Variants in PKD1 observed in about 807,000 individuals in gnomAD.
The protein encoded by PKD1 is polycystin-1.
A neutral mutation model predicts 361.7 loss-of-function variants in PKD1; 81 were observed. That is an observed-to-expected ratio of 0.22 (90% CI 0.19 to 0.27). The LOEUF is 0.27. Ranked by LOEUF, PKD1 falls within the 10% of genes least tolerant of loss-of-function variation. The pLI, the probability that PKD1 is intolerant of heterozygous loss-of-function variation, is 1.00. For missense variants in PKD1, 6,399 were observed against 6,118.3 expected (o/e 1.05, Z -1.53); for synonymous variants, 3,615 against 2,818.3 (o/e 1.28, Z -8.95).
intron 21 of PKD1, 87 bp from the exon 22 acceptor site, chr16:2,104,729 C>T (rs2151762419): frequency 1.3e-6 from 1 of 766,856 alleles, no homozygotes; most frequent in Admixed American, 2.1e-5. Context: ...CACCTGGCTC[C>T]CACCCCCAGC....
rs760338872 is a variant in PKD1 at position 2,090,570 on chromosome 16, G to A, written c.12159C>T (p.Asp4053=). 2.0e-5 allele frequency: 32 copies of A among 1,608,952 alleles called. No individual in the cohort carries two copies. Among genetic ancestry groups the A allele is most frequent in the African/African-American group, 5.3e-5 (4 of 74,912 alleles). The change falls in exon 45 of 46, where the codon GAC becomes GAT. Residue 4053 remains aspartate (D), a synonymous_variant. Transcript: ENST00000262304. ...GGGCCTGGGCCACGCTCCAGAGGGAGTCCACACAGGAAGACACGAGCTGCG... is the reference window on the plus strand; with the variant it reads ...GGGCCTGGGCCACGCTCCAGAGGGAATCCACACAGGAAGACACGAGCTGCG... ...LAILLVSSCV[D]SLWSVAQALL...
At chr16:2,098,756 G>A (rs1317025847) in intron 30 of PKD1, 2 of 144,662 alleles carry the variant, frequency 1.4e-5, no homozygotes, top group South Asian at 2.2e-4. Context: ...GTGAAGGATT[G>A]GTGTTAATTC....
At position 2,097,395 on chromosome 16, in the gene PKD1, G is replaced by A. The variant is rs746776878; in HGVS notation, c.10329C>T (p.Gly3443=). 1.7e-5 allele frequency: 28 copies of A among 1,610,374 alleles called. No individual in the cohort carries two copies. Among genetic ancestry groups the A allele is most frequent in the Non-Finnish European group, 2.3e-5 (27 of 1,179,814 alleles). Reference sequence around the variant, plus strand: ...CGTCCTCCTCTGGGCCCAGCCCATGGCCCGCCTGGCCCCGTGCCAGCTGCC... The same window carrying A: ...CGTCCTCCTCTGGGCCCAGCCCATGACCCGCCTGGCCCCGTGCCAGCTGCC... ...NLRQLARGQA[G]HGLGPEEDGF... The change falls in exon 33 of 46, where the codon GGC becomes GGT. Residue 3443 remains glycine, a synonymous_variant. Transcript: ENST00000262304.
chr16:2,131,937 T>C (rs1202631164), intron 1 of PKD1: 1 of 152,014 alleles, frequency 6.6e-6, no homozygotes, highest in Non-Finnish European at 1.5e-5. Flanking sequence ...ACTGCTTTGC[T>C]TGACCAGCCT....
At position 2,100,340 on chromosome 16, in the gene PKD1, G is replaced by A. The variant is rs751947219; in HGVS notation, c.9569-31C>T. The stretch of plus-strand genomic sequence containing the variant: ...GAGGCGCAGGAGGGAGGTCAGGCTC[G>A]CAGGGCGCCCCAATGCGGGGGCAGA... On this transcript the variant is annotated intron_variant, in intron 27 of 45. Transcript: ENST00000262304. The surrounding 1 kb of genome is among the most constrained non-coding windows in gnomAD (Gnocchi z 4.4). 1.6e-5 allele frequency: 25 copies of A among 1,610,348 alleles called. No individual in the cohort carries two copies. In the African/African-American group the frequency reaches 1.7e-4, roughly 11 times the overall value.
rs771201076 is a variant in PKD1, at chr16:2,118,044, G to A, written c.948C>T (p.Ala316=). The A allele has an allele frequency of 5.1e-5, 82 of 1,603,158 alleles. No homozygotes were observed. Among genetic ancestry groups the A allele is most frequent in the South Asian group, 1.3e-4 (12 of 90,898 alleles). The part of the protein sequence containing the change: ...DFGDGSAEVD[A]AGPAASHRYV... Reference sequence around the variant, plus strand: ...AGCGATGCGAGGCAGCCGGCCCAGCGGCATCCACCTCGGCGGAGCCGTCTC... The same window carrying A: ...AGCGATGCGAGGCAGCCGGCCCAGCAGCATCCACCTCGGCGGAGCCGTCTC... Residue 316 remains alanine, a synonymous_variant, in exon 5 of 46, where the codon GCC becomes GCT. Coordinates refer to ENST00000262304, the MANE Select transcript of PKD1 (RefSeq NM_001009944.3). The surrounding 1 kb of genome is among the most constrained non-coding windows in gnomAD (Gnocchi z 6.0).
intron 6 of PKD1, among the ~76,000 whole-genome samples, chr16:2,117,285 G>C (rs1209348034): frequency 6.6e-6 from 1 of 152,320 alleles, no homozygotes; most frequent in Admixed American, 6.5e-5. Flanking sequence ...GCGTGCCCAG[G>C]AGTGTCCGGA....
Position 2,091,441 on chromosome 16 carries a change from C to A in PKD1, c.11694G>T (p.Ser3898=). 1 of 1,193,646 alleles carries A rather than the reference C, an allele frequency of 8.4e-7. No homozygotes were observed. The allele number at this position is 1,193,646 out of a possible 1,614,324, so 73.9% of individuals were successfully genotyped here. A position where few individuals can be genotyped will look rare whatever the true frequency, so the allele number is the denominator to read the frequency against. The change falls in exon 42 of 46, where the codon TCG becomes TCT. Residue 3898 remains serine (S), a synonymous_variant. Coordinates refer to ENST00000262304, the MANE Select transcript of PKD1 (RefSeq NM_001009944.3). ...FALRRLSAGL[S]LPLLTSVCLL... is the part of the protein sequence containing the mutation. ...GGCGTACCGAGGTGAGCAGAGGCAG[C>A]GAGAGGCCCGCGCTGAGGCGGCGCA...
intron 1 of PKD1, among the ~76,000 whole-genome samples, chr16:2,130,122 G>A (rs1377629672): frequency 2.0e-5 from 3 of 152,184 alleles, no homozygotes; most frequent in South Asian, 2.1e-4. Flanking sequence ...TTGCATCCGC[G>A]TCTAATAAAG....
chr16:2,124,523 G>T (rs183821331), intron 1 of PKD1, among the ~76,000 whole-genome samples: 1 of 152,210 alleles, frequency 6.6e-6, no homozygotes, highest in Admixed American at 6.5e-5. Flanking sequence ...TGGGACTGAG[G>T]AGAACTTCCC....
Position 2,100,046 on chromosome 16 carries a change from C to T in PKD1, c.9738G>A (p.Arg3246=). ...AASDAALLRF[R]RLLVAELQRG... is the part of the protein sequence containing the mutation. ...GCTGCAGCTCAGCCACCAGCAGGCG[C>T]CGGAAGCGCAAAAGGGCTGCGTCGC... The change falls in exon 29 of 46, where the codon CGG becomes CGA. Residue 3246 remains arginine, a synonymous_variant. Transcript: ENST00000262304. The surrounding 1 kb of genome is among the most constrained non-coding windows in gnomAD (Gnocchi z 4.4). 6.3e-7 allele frequency: 1 copy of T among 1,589,068 alleles called. No individual in the cohort carries two copies. The highest frequency in any genetic ancestry group is 1.3e-5 in the African/African-American group (1 of 74,462).
rs373743750 is a variant in PKD1 at position 2,097,345 on chromosome 16, G to A, written c.10379C>T (p.Ser3460Leu). ...TGATGCTGAGAAGGATTTGGCAGGC[G>A]AGTAGGGGCTGGCCAGGGAGAAGCC... ...EDGFSLASPY[S>L]PAKSFSASDE... The change falls in exon 33 of 46, where the codon TCG (serine) becomes TTG (leucine). Residue 3460 changes from serine to leucine, a missense_variant. Physicochemically the swap from Ser to Leu is moderately radical, Grantham distance 145. Coordinates refer to ENST00000262304, the MANE Select transcript of PKD1 (RefSeq NM_001009944.3). 45 of 1,612,642 alleles carry A rather than the reference G, an allele frequency of 2.8e-5. No individual in the cohort carries two copies. Among genetic ancestry groups the A allele is most frequent in the South Asian group, 9.9e-5 (9 of 91,058 alleles).
Position 2,134,071 on chromosome 16 carries a change from C to T in PKD1, c.215+1404G>A, listed in dbSNP as rs553905257. Among the ~76,000 whole-genome samples, 15 of 141,460 alleles carry T rather than the reference C, an allele frequency of 1.1e-4. No individual in the cohort carries two copies. The East Asian group carries it at 2.5e-3, about 24-fold the overall frequency. 92.8% of individuals were successfully genotyped at this position (141,460 alleles called of 152,430 possible). The stretch of plus-strand genomic sequence containing the variant: ...TGACCGGCCTGGCAGACAGAGGAGC[C>T]CTCAGCTACAGCATCACAAACAACG... On this transcript the variant is annotated intron_variant, in intron 1 of 45. Coordinates refer to ENST00000262304, the MANE Select transcript of PKD1 (RefSeq NM_001009944.3).
chr16:2,122,420 C>A (rs1404822098), intron 1 of PKD1, among the ~76,000 whole-genome samples: 1 of 152,212 alleles, frequency 6.6e-6, no homozygotes. Flanking sequence ...CCACTTCCCC[C>A]CTAACTGAAC....
chr16:2,102,480 C>T lies in PKD1; in HGVS notation c.9102G>A (p.Glu3034=). 1.3e-6 allele frequency: 2 copies of T among 1,568,316 alleles called. No individual in the cohort carries two copies. Among genetic ancestry groups the T allele is most frequent in the Non-Finnish European group, 8.6e-7 (1 of 1,158,482 alleles). ...AGACGGCCTGGCGGGGCGAGGTCTC[C>T]TCCAGGGGCAGCAGCCCCTCTGTCC... ...VWRTEGLLPL[E]ETSPRQAVCL... is the part of the protein sequence containing the mutation. The change falls in exon 25 of 46, where the codon GAG becomes GAA. Residue 3034 remains glutamate, a synonymous_variant. Coordinates refer to ENST00000262304, the MANE Select transcript of PKD1 (RefSeq NM_001009944.3).
chr16:2,098,112 T>C (rs2091922173), intron 30 of PKD1, 128 bp from the exon 31 acceptor site: 3 of 653,468 alleles, frequency 4.6e-6, no homozygotes, highest in East Asian at 5.4e-5. Flanking sequence ...GAATGCTGGA[T>C]ATATGGGACA....
At chr16:2,129,204 G>C (rs1301836455) in intron 1 of PKD1, among the ~76,000 whole-genome samples, 1 of 148,234 alleles carries the variant, frequency 6.7e-6, no homozygotes, top group Non-Finnish European at 1.5e-5. Flanking sequence ...TAGTCGCCCA[G>C]GCTGGAGTGC....
intron 38 of PKD1, 177 bp downstream of exon 38, chr16:2,092,777 G>T: frequency 1.2e-6 from 1 of 861,798 alleles, no homozygotes; most frequent in Non-Finnish European, 1.9e-6. Flanking sequence ...CCCGTCCTGT[G>T]CACTGCAAGA....
chr16:2,095,597 C>G (rs1022314503), intron 34 of PKD1, among the ~76,000 whole-genome samples: 4 of 152,164 alleles, frequency 2.6e-5, no homozygotes, highest in African/African-American at 9.7e-5. Context: ...CAGGCTCAGG[C>G]GCAGGGAAGG....
Sources: allele counts gnomAD v4.1 joint callset (sites outside exome capture counted in the v4.1 genomes callset), GRCh38; gene constraint gnomAD v4.1.1; non-coding constraint Gnocchi (gnomAD v3.1); transcripts MANE v1.5; gene names NCBI Gene and HGNC (gene_info 2026-07-23, HGNC 2026-07-21).